GNG7: variants seen among roughly 807,000 people sequenced by gnomAD.
GNG7 encodes guanine nucleotide-binding protein G(I)/G(S)/G(O) subunit gamma-7.
A neutral mutation model predicts 4.0 loss-of-function variants in GNG7; 1 was observed. The ratio of observed to expected loss-of-function variants is 0.25; its 90% CI spans 0.09 to 1.18. GNG7 has a LOEUF of 1.18. GNG7 is among the 50% of genes most tolerant of loss of function. The pLI is 0.50. For synonymous variants in GNG7, 34 were observed against 36.9 expected (o/e 0.92, Z 0.29); for missense variants, 86 against 91.9 (o/e 0.94, Z 0.26).
At position 2,514,611 on chromosome 19, in the gene GNG7, G is replaced by A. The variant is rs1037022769; in HGVS notation, c.*411C>T. 5 of 161,324 alleles carry A rather than the reference G, an allele frequency of 3.1e-5. No individual in the cohort carries two copies. The highest frequency in any genetic ancestry group is 6.8e-5 in the Non-Finnish European group (5 of 73,634). 10.0% of individuals were successfully genotyped at this position (161,324 alleles called of 1,614,324 possible). On this transcript the variant is annotated 3_prime_UTR_variant, in exon 5 of 5. Transcript: ENST00000382159. ...TTTTTACCAATGGCCAATTCTCCCG[G>A]AACTATTGCCACCGGGCGAAGTCAC...
rs958293337 is a variant in GNG7 at position 2,611,010 on chromosome 19, G to A, written c.-78+35214C>T. On this transcript the variant is annotated intron_variant, in intron 2 of 4. Coordinates refer to ENST00000382159, the MANE Select transcript of GNG7 (RefSeq NM_052847.3). The surrounding 1 kb of genome is among the most constrained non-coding windows in gnomAD (Gnocchi z 6.0). ...CGGGCTCACGTGCCAGGCTCGGGGG[G>A]GGGGAAGCGTCCTCAACATTCTCAG... 1.6e-5 allele frequency: 2 copies of A among 121,886 alleles called. No homozygotes were observed. The highest frequency in any genetic ancestry group is 1.8e-5 in the Non-Finnish European group (1 of 54,208). 7.6% of individuals were successfully genotyped at this position (121,886 alleles called of 1,614,324 possible).
intron 3 of GNG7, among the ~76,000 whole-genome samples, chr19:2,533,603 A>G (rs1555691429): frequency 2.0e-5 from 3 of 152,208 alleles, no homozygotes; most frequent in Non-Finnish European, 4.4e-5. Context: ...AAATCAACAA[A>G]CAAAAGTTGC....
At chr19:2,667,558 C>G (rs753997489) in intron 1 of GNG7, among the ~76,000 whole-genome samples, 1 of 152,148 alleles carries the variant, frequency 6.6e-6, no homozygotes, top group East Asian at 1.9e-4. Flanking sequence ...GCAGGAGGAT[C>G]ACTTCAGGCC....
intron 1 of GNG7, among the ~76,000 whole-genome samples, chr19:2,673,692 TA>T (rs61065013): frequency 0.34 from 42,999 of 127,910 alleles, 7,401 homozygotes; most frequent in East Asian, 0.57. Context: ...AGACTCCATC[TA>T]AAAAAAAAAA....
At chr19:2,598,039 C>T (rs1981078892) in intron 2 of GNG7, among the ~76,000 whole-genome samples, 1 of 152,060 alleles carries the variant, frequency 6.6e-6, no homozygotes, top group South Asian at 2.1e-4. Context: ...AGTGGTTAGA[C>T]GACAATGACC....
At position 2,546,548 on chromosome 19, in the gene GNG7, G is replaced by A. The variant is rs1167459465; in HGVS notation, c.-38+8601C>T. Among the ~76,000 whole-genome samples, 6 of 152,200 alleles carry A rather than the reference G, an allele frequency of 3.9e-5. No individual in the cohort carries two copies. Among genetic ancestry groups the A allele is most frequent in the African/African-American group, 9.6e-5 (4 of 41,454 alleles). On this transcript the variant is annotated intron_variant, in intron 3 of 4. Coordinates refer to ENST00000382159, the MANE Select transcript of GNG7 (RefSeq NM_052847.3). This position sits in a 1 kb window ranked among gnomAD's most constrained non-coding sequence, Gnocchi z 6.3. ...TTGCTCTCAGGCTAAATCGGTCCCC[G>A]GGGCAGCTATATTTAGAAGGGGCTA...
intron 3 of GNG7, among the ~76,000 whole-genome samples, chr19:2,531,316 A>AG (rs1426618050): frequency 4.0e-5 from 6 of 150,726 alleles, no homozygotes; most frequent in African/African-American, 1.5e-4. Flanking sequence ...AAAAAAAAAA[A>AG]AAAAAAAAAA....
intron 1 of GNG7, among the ~76,000 whole-genome samples, chr19:2,696,141 A>AG (rs1383109085): frequency 6.7e-6 from 1 of 150,340 alleles, no homozygotes; most frequent in African/African-American, 2.5e-5. Flanking sequence ...CGGGAGACAG[A>AG]GCAAGACTCC....
chr19:2,620,644 G>A (rs538391725), intron 2 of GNG7, among the ~76,000 whole-genome samples: 2 of 152,296 alleles, frequency 1.3e-5, no homozygotes, highest in East Asian at 1.9e-4. Flanking sequence ...GAGGGACCTA[G>A]GGGTGAGCTT....
chr19:2,627,008 G>C lies in GNG7; in HGVS notation c.-78+19216C>G, dbSNP rs142621450. On this transcript the variant is annotated intron_variant, in intron 2 of 4. Transcript: ENST00000382159. Reference sequence around the variant, plus strand: ...ACTGGAATAAACTCCAGATGGAGCAGACGGCATAAACCCGGGAGCCCCAGC... The same window carrying C: ...ACTGGAATAAACTCCAGATGGAGCACACGGCATAAACCCGGGAGCCCCAGC... 1.1e-4 allele frequency among the ~76,000 whole-genome samples: 16 copies of C among 152,300 alleles called. No homozygotes were observed. The East Asian group carries it at 2.9e-3, about 28-fold the overall frequency.
intron 2 of GNG7, among the ~76,000 whole-genome samples, chr19:2,567,503 T>G (rs946248533): frequency 2.0e-5 from 3 of 152,142 alleles, no homozygotes; most frequent in Non-Finnish European, 4.4e-5. Context: ...TTTTGCATTT[T>G]TTTGTATAGA....
At chr19:2,587,598 A>G (rs1980713810) in intron 2 of GNG7, among the ~76,000 whole-genome samples, 1 of 152,084 alleles carries the variant, frequency 6.6e-6, no homozygotes, top group Non-Finnish European at 1.5e-5. Flanking sequence ...CGGGCTTCAA[A>G]GGGGAGGCAG....
chr19:2,570,968 T>C (rs1980127161), intron 2 of GNG7, among the ~76,000 whole-genome samples: 1 of 116,962 alleles, frequency 8.5e-6, no homozygotes, highest in Admixed American at 7.8e-5. Context: ...TGGCTAATGT[T>C]TGTATTTTTT....
rs1982215118 is a variant in GNG7 at position 2,633,462 on chromosome 19, T to G, written c.-78+12762A>C. On this transcript the variant is annotated intron_variant, in intron 2 of 4. Transcript: ENST00000382159. This position sits in a 1 kb window ranked among gnomAD's most constrained non-coding sequence, Gnocchi z 5.9. ...GAGGCTGACTGTTCAAGCGGTTGCT[T>G]AGCAACAGGCGCGCGCGCGCGCGCG... is the stretch of plus-strand genomic sequence containing the variant. Among the ~76,000 whole-genome samples, 1 of 148,538 alleles carries G rather than the reference T, an allele frequency of 6.7e-6. No individual in the cohort carries two copies. The highest frequency in any genetic ancestry group is 2.5e-5 in the African/African-American group (1 of 39,570).
chr19:2,568,198 CAT>C (rs200232712), intron 2 of GNG7, among the ~76,000 whole-genome samples: 7,077 of 150,526 alleles, frequency 0.047, 500 homozygotes, highest in African/African-American at 0.16. Context: ...CATACACACA[CAT>C]ATAGACATAC....
chr19:2,626,696 A>G lies in GNG7; in HGVS notation c.-78+19528T>C, dbSNP rs1982030328. Among the ~76,000 whole-genome samples the G allele has an allele frequency of 6.6e-6, 1 of 152,050 alleles. No individual in the cohort carries two copies. Among genetic ancestry groups the G allele is most frequent in the African/African-American group, 2.4e-5 (1 of 41,388 alleles). On this transcript the variant is annotated intron_variant, in intron 2 of 4. Transcript: ENST00000382159. This position sits in a 1 kb window ranked among gnomAD's most constrained non-coding sequence, Gnocchi z 5.0. ...ATCGGTTCACTCAATCAGGGTCTCA[A>G]CTGGGGTAATTCTGTCCCCTCAGGG...
At chr19:2,527,471 A>G (rs1020519164) in intron 3 of GNG7, among the ~76,000 whole-genome samples, 4 of 152,068 alleles carry the variant, frequency 2.6e-5, no homozygotes, top group African/African-American at 9.7e-5. Flanking sequence ...GGAGGAGAGG[A>G]GGTGAGGAGG....
intron 3 of GNG7, among the ~76,000 whole-genome samples, chr19:2,536,946 ATTT>A (rs930326594): frequency 6.9e-6 from 1 of 144,572 alleles, no homozygotes; most frequent in African/African-American, 2.6e-5. Flanking sequence ...TTTTATTTTT[ATTT>A]TTATTTTTTT....
rs890046301 is a variant in GNG7 at position 2,553,908 on chromosome 19, T to C, written c.-38+1241A>G. On this transcript the variant is annotated intron_variant, in intron 3 of 4. Transcript: ENST00000382159. ...CATATTCTATGTAATATTACATACATGTGCATATTGCATGTAATATATTGT... is the reference window on the plus strand; with the variant it reads ...CATATTCTATGTAATATTACATACACGTGCATATTGCATGTAATATATTGT... Among the ~76,000 whole-genome samples the C allele has an allele frequency of 3.5e-5, 5 of 141,970 alleles. No individual in the cohort carries two copies. In the South Asian group the frequency reaches 6.3e-4, roughly 18 times the overall value. The allele number at this position is 141,970 out of a possible 152,430, so 93.1% of individuals were successfully genotyped here. A position where few individuals can be genotyped will look rare whatever the true frequency, so the allele number is the denominator to read the frequency against.
Sources: allele counts gnomAD v4.1 joint callset (sites outside exome capture counted in the v4.1 genomes callset), GRCh38; gene constraint gnomAD v4.1.1; non-coding constraint Gnocchi (gnomAD v3.1); transcripts MANE v1.5; gene names NCBI Gene and HGNC (gene_info 2026-07-23, HGNC 2026-07-21).